Variants in PCDH7 observed in about 807,000 individuals in gnomAD.
PCDH7 encodes protocadherin-7.
A neutral mutation model predicts 58.9 loss-of-function variants in PCDH7; 17 were observed. That is an observed-to-expected ratio of 0.29 (90% CI 0.20 to 0.43). PCDH7 has a LOEUF of 0.43. Ranked by LOEUF, PCDH7 falls within the 20% of genes least tolerant of loss-of-function variation. The probability of loss-of-function intolerance (pLI) is 1.00; values close to 1 mark genes in which losing one functional copy is unlikely to be tolerated. For synonymous variants in PCDH7, 664 were observed against 616.4 expected, an observed-to-expected ratio of 1.08 and a Z score of -1.14; for missense variants, 1,274 against 1,441.0, an observed-to-expected ratio of 0.88 and a Z score of 1.88.
chr4:31,117,193 T>G lies in PCDH7; in HGVS notation c.*8-25280T>G, dbSNP rs578170636. On this transcript the variant is annotated intron_variant, in intron 3 of 3. Coordinates refer to the PCDH7 transcript ENST00000509759. ...CACCGCTCCCGGCCTAGGTTTTATGTAATATATGCCAGATTGTGTTTTAAA... is the reference window on the plus strand; with the variant it reads ...CACCGCTCCCGGCCTAGGTTTTATGGAATATATGCCAGATTGTGTTTTAAA... Among the ~76,000 whole-genome samples, 39 of 152,240 alleles carry G rather than the reference T, an allele frequency of 2.6e-4. No individual in the cohort carries two copies. In the South Asian group the frequency reaches 5.0e-3, roughly 19 times the overall value.
chr4:31,100,057 C>T (rs1471386809), intron 3 of PCDH7, among the ~76,000 whole-genome samples: 4 of 152,094 alleles, frequency 2.6e-5, no homozygotes, highest in Non-Finnish European at 2.9e-5. Context: ...CTCACTCTTT[C>T]ACTTTGCCAT....
chr4:30,826,311 A>G (rs572558842), intron 1 of PCDH7, among the ~76,000 whole-genome samples: 1 of 152,316 alleles, frequency 6.6e-6, no homozygotes, highest in Non-Finnish European at 1.5e-5. Flanking sequence ...TCTCTGGGAC[A>G]TGGATTATAT....
At chr4:31,010,516 T>C (rs903210597) in intron 3 of PCDH7, among the ~76,000 whole-genome samples, 2 of 151,970 alleles carry the variant, frequency 1.3e-5, no homozygotes, top group Non-Finnish European at 2.9e-5. Flanking sequence ...AACTTTAACT[T>C]CATTTGAATA....
At chr4:30,815,555 T>A (rs1403246416) in intron 1 of PCDH7, among the ~76,000 whole-genome samples, 2 of 152,240 alleles carry the variant, frequency 1.3e-5, no homozygotes, top group African/African-American at 4.8e-5. Flanking sequence ...TCCACATGCC[T>A]GTGGCCTGCC....
chr4:30,919,263 C>A (rs1389485102), intron 1 of PCDH7, among the ~76,000 whole-genome samples: 1 of 151,914 alleles, frequency 6.6e-6, no homozygotes, highest in East Asian at 1.9e-4. Flanking sequence ...CAATACATGG[C>A]ATTGGTTTGT....
chr4:31,087,328 G>A (rs1712578443), intron 3 of PCDH7, among the ~76,000 whole-genome samples: 1 of 152,044 alleles, frequency 6.6e-6, no homozygotes, highest in South Asian at 2.1e-4. Flanking sequence ...ATAATAGAAT[G>A]ATGGCTGTGT....
At chr4:30,934,516 A>G (rs889816101) in intron 2 of PCDH7, among the ~76,000 whole-genome samples, 2 of 152,132 alleles carry the variant, frequency 1.3e-5, no homozygotes, top group Admixed American at 1.3e-4. Flanking sequence ...GGACTCTTCC[A>G]CAAATTGACT....
Position 30,909,748 on chromosome 4 carries a change from G to A in PCDH7, c.71-10405G>A, listed in dbSNP as rs148474037. 2.4e-3 allele frequency among the ~76,000 whole-genome samples: 358 copies of A among 152,202 alleles called. 1 individual carries two copies. Among genetic ancestry groups the A allele is most frequent in the Non-Finnish European group, 4.3e-3 (293 of 68,006 alleles). On this transcript the variant is annotated intron_variant, in intron 1 of 3. Transcript: ENST00000509759. Reference sequence around the variant, plus strand: ...TCAATATCGTGAACATGGCCATACTGACCAAAGTAATTTATAGATTCAATG... The same window carrying A: ...TCAATATCGTGAACATGGCCATACTAACCAAAGTAATTTATAGATTCAATG...
intron 3 of PCDH7, among the ~76,000 whole-genome samples, chr4:31,115,689 T>C (rs897663850): frequency 6.6e-6 from 1 of 152,178 alleles, no homozygotes; most frequent in Non-Finnish European, 1.5e-5. Flanking sequence ...TCTTAGAAAA[T>C]ACGTATTCTG....
At chr4:30,905,948 A>T (rs891121137) in intron 1 of PCDH7, among the ~76,000 whole-genome samples, 3 of 152,190 alleles carry the variant, frequency 2.0e-5, no homozygotes, top group Non-Finnish European at 4.4e-5. Context: ...CACAGAAGAG[A>T]TGGTTTCAGA....
At chr4:31,111,390 C>A (rs1015818471) in intron 3 of PCDH7, among the ~76,000 whole-genome samples, 1 of 151,654 alleles carries the variant, frequency 6.6e-6, no homozygotes, top group Non-Finnish European at 1.5e-5. Flanking sequence ...TCACTGCAAC[C>A]TCAGCCTCCC....
chr4:30,720,501 C>G lies in PCDH7; in HGVS notation c.-922C>G, dbSNP rs1041170854. ...GTGCGCACTGCTCAGCCTTCGCCCC[C>G]GTGGGCGAAAGGCTGCTGCGGTTTC... On this transcript the variant is annotated 5_prime_UTR_variant, in exon 1 of 2. Coordinates refer to ENST00000361762, the Ensembl canonical transcript of PCDH7. This position sits in a 1 kb window ranked among gnomAD's most constrained non-coding sequence, Gnocchi z 4.7. The G allele has an allele frequency of 1.3e-5, 2 of 152,682 alleles. No homozygotes were observed. The highest frequency in any genetic ancestry group is 2.9e-5 in the Non-Finnish European group (2 of 68,074). 9.5% of individuals were successfully genotyped at this position (152,682 alleles called of 1,614,324 possible).
chr4:31,004,297 G>C (rs1010066244), intron 3 of PCDH7, among the ~76,000 whole-genome samples: 1 of 152,164 alleles, frequency 6.6e-6, no homozygotes, highest in Non-Finnish European at 1.5e-5. Context: ...CTGAAAAAAA[G>C]TCACAGGAAG....
At chr4:30,763,998 A>T (rs1291655170) in intron 1 of PCDH7, among the ~76,000 whole-genome samples, 2 of 152,130 alleles carry the variant, frequency 1.3e-5, no homozygotes, top group African/African-American at 4.8e-5. Context: ...CCTCACTCGG[A>T]GCTTGTTTCT....
rs575165629 is a variant in PCDH7 at position 30,829,205 on chromosome 4, C to G, written c.71-90948C>G. On this transcript the variant is annotated intron_variant, in intron 1 of 3. Transcript: ENST00000509759. The stretch of plus-strand genomic sequence containing the variant: ...TGTGTGTGCTGAGAGAGAGAGAGGA[C>G]TCTACCCAGGGAACCACATTATAGG... Among the ~76,000 whole-genome samples the G allele has an allele frequency of 1.2e-3, 184 of 152,122 alleles. No individual in the cohort carries two copies. The Middle Eastern group carries it at 0.014, about 11-fold the overall frequency.
At chr4:30,840,404 C>T (rs1731057786) in intron 1 of PCDH7, among the ~76,000 whole-genome samples, 1 of 152,180 alleles carries the variant, frequency 6.6e-6, no homozygotes, top group South Asian at 2.1e-4. Context: ...TCATCGCTTC[C>T]TTTATGTGGT....
intron 3 of PCDH7, among the ~76,000 whole-genome samples, chr4:30,968,316 ACAC>A (rs1353928263): frequency 0.026 from 1,113 of 43,128 alleles, 38 homozygotes; most frequent in African/African-American, 0.12. Flanking sequence ...ATATATATAT[ACAC>A]TATATATATA....
chr4:30,831,582 G>A (rs7692210), intron 1 of PCDH7, among the ~76,000 whole-genome samples: 17 of 151,980 alleles, frequency 1.1e-4, no homozygotes, highest in Admixed American at 6.6e-4. Context: ...TATTCTTAGC[G>A]GATTAATACA....
At chr4:30,891,364 C>T (rs903778412) in intron 1 of PCDH7, among the ~76,000 whole-genome samples, 9 of 152,014 alleles carry the variant, frequency 5.9e-5, no homozygotes, top group Non-Finnish European at 8.8e-5. Context: ...GATAGAGATG[C>T]TGTAATTTCA....
Sources: gnomAD v4.1 joint callset for allele counts (sites outside exome capture counted in the v4.1 genomes callset) on GRCh38, gnomAD v4.1.1 for gene constraint, Gnocchi (gnomAD v3.1) non-coding constraint, MANE v1.5 for transcripts, NCBI Gene and HGNC (gene_info 2026-07-23, HGNC 2026-07-21) for gene names.